Variants in EDA observed in about 807,000 individuals in gnomAD.
EDA encodes the protein ectodysplasin-A.
A neutral mutation model predicts 23.6 loss-of-function variants in EDA; 2 were observed. The ratio of observed to expected loss-of-function variants is 0.08; its 90% confidence interval spans 0.03 to 0.27. EDA has a LOEUF of 0.27. EDA is among the 10% of genes least tolerant of loss of function. EDA has a pLI of 1.00. For missense variants in EDA, 229 were observed against 324.2 expected, an observed-to-expected ratio of 0.71 and a Z score of 2.26; for synonymous variants, 131 against 132.0, an observed-to-expected ratio of 0.99 and a Z score of 0.05.
At chrX:69,673,348 A>G (rs1933968624) in intron 1 of EDA, among the ~76,000 whole-genome samples, 1 of 111,641 alleles carries the variant, frequency 9.0e-6, no homozygotes, top group Non-Finnish European at 1.9e-5. Context: ...TTTGTGATCG[A>G]GAATTTCATG....
chrX:69,756,697 CA>C, intron 1 of EDA, among the ~76,000 whole-genome samples: 1 of 112,309 alleles, frequency 8.9e-6, no homozygotes, highest in African/African-American at 3.2e-5. Context: ...AATCCCATTA[CA>C]AAGACACAGA....
chrX:69,777,956 G>A (rs1203754140), intron 1 of EDA, among the ~76,000 whole-genome samples: 1 of 111,443 alleles, frequency 9.0e-6, no homozygotes, highest in Non-Finnish European at 1.9e-5. Context: ...CTAGTAGACA[G>A]GGATTCTTGT....
intron 1 of EDA, among the ~76,000 whole-genome samples, chrX:69,835,101 T>A: frequency 8.9e-6 from 1 of 112,699 alleles, no homozygotes. Context: ...TCTGATGGAC[T>A]TCCTTTGTGG....
intron 1 of EDA, among the ~76,000 whole-genome samples, chrX:69,836,815 C>T (rs1194646681): frequency 9.0e-6 from 1 of 111,681 alleles, no homozygotes; most frequent in Non-Finnish European, 1.9e-5. Context: ...TCTTCTGCTT[C>T]GCTCACTCTG....
chrX:70,032,519 C>T (rs1569406236), intron 6 of EDA, among the ~76,000 whole-genome samples: 2 of 111,388 alleles, frequency 1.8e-5, no homozygotes, highest in African/African-American at 3.3e-5. Context: ...GAAAAGGCTC[C>T]CTGGGCTTGG....
At chrX:70,011,332 C>A (rs1332948352) in intron 2 of EDA, among the ~76,000 whole-genome samples, 1 of 96,711 alleles carries the variant, frequency 1.0e-5, no homozygotes, top group African/African-American at 3.7e-5. Context: ...TGCATTTTCG[C>A]TTTTTTTTTT....
intron 1 of EDA, among the ~76,000 whole-genome samples, chrX:69,794,002 C>T (rs368365273): frequency 9.9e-5 from 11 of 111,580 alleles, no homozygotes; most frequent in African/African-American, 2.9e-4. Context: ...ACTATTTGAG[C>T]TTGTGCTTCC....
intron 2 of EDA, among the ~76,000 whole-genome samples, chrX:69,999,582 C>A (rs1359378183): frequency 9.8e-6 from 1 of 102,517 alleles, no homozygotes; most frequent in Admixed American, 1.1e-4. Flanking sequence ...CGCCATTGCA[C>A]TCCAGCCTGG....
intron 1 of EDA, among the ~76,000 whole-genome samples, chrX:69,638,736 C>G (rs1213607088): frequency 9.0e-6 from 1 of 111,439 alleles, no homozygotes; most frequent in African/African-American, 3.3e-5. Context: ...AGTCACAGAC[C>G]TGCTTTATTG....
At chrX:69,745,199 A>G (rs760422294) in intron 1 of EDA, among the ~76,000 whole-genome samples, 274 of 111,709 alleles carry the variant, frequency 2.5e-3, no homozygotes, top group African/African-American at 7.7e-3. Context: ...TTGGAATTCT[A>G]TCATTCATGA....
intron 1 of EDA, among the ~76,000 whole-genome samples, chrX:69,942,272 C>A (rs1414529466): frequency 9.0e-6 from 1 of 111,226 alleles, no homozygotes; most frequent in African/African-American, 3.3e-5. Flanking sequence ...TGTATACTTA[C>A]TATTACCAGT....
intron 1 of EDA, among the ~76,000 whole-genome samples, chrX:69,755,478 G>C (rs1314656164): frequency 8.9e-6 from 1 of 112,001 alleles, no homozygotes; most frequent in East Asian, 2.8e-4. Flanking sequence ...GCCCCTACTG[G>C]GAGGTGTCTC....
chrX:69,973,661 C>T (rs922067833), intron 2 of EDA, among the ~76,000 whole-genome samples: 4 of 111,392 alleles, frequency 3.6e-5, no homozygotes, highest in African/African-American at 6.5e-5. Flanking sequence ...TCCATATATA[C>T]GACAGGAGAC....
At position 69,843,000 on chromosome X, in the gene EDA, T is replaced by G. The variant is rs1017491853; in HGVS notation, c.397-114027T>G. On this transcript the variant is annotated intron_variant, in intron 1 of 7. Coordinates refer to ENST00000374552, the MANE Select transcript of EDA (RefSeq NM_001399.5). Reference sequence around the variant, plus strand: ...AACGAAACCTCTTTTCTTTATAAATTACCCAGTCTCAGGTATTTCTTTATA... The same window carrying G: ...AACGAAACCTCTTTTCTTTATAAATGACCCAGTCTCAGGTATTTCTTTATA... Among the ~76,000 whole-genome samples the G allele has an allele frequency of 4.5e-5, 5 of 111,891 alleles. No individual in the cohort carries two copies. The Admixed American group carries it at 4.8e-4, about 11-fold the overall frequency.
At chrX:69,835,888 T>C (rs1356605507) in intron 1 of EDA, among the ~76,000 whole-genome samples, 2 of 111,774 alleles carry the variant, frequency 1.8e-5, no homozygotes, top group Non-Finnish European at 3.8e-5. Flanking sequence ...GACCTACAGA[T>C]GGGGTTTTGG....
At chrX:69,676,501 T>C (rs759930859) in intron 1 of EDA, among the ~76,000 whole-genome samples, 80 of 109,105 alleles carry the variant, frequency 7.3e-4, no homozygotes, top group African/African-American at 2.0e-3. Flanking sequence ...TGTGTGTGTG[T>C]GCGCGCGCGC....
rs1255547217 is a variant in EDA, at chrX:70,029,477, C to T, written c.707-27C>T. 2.5e-6 allele frequency: 3 copies of T among 1,209,363 alleles called. No individual in the cohort carries two copies. In the Admixed American group the frequency reaches 6.5e-5, roughly 26 times the overall value. ...GAAAAGGAAGTCAAAAGATTATGCC[C>T]TCTGATTGTCCTATCCTATTTTGCA... On this transcript the variant is annotated intron_variant, in intron 4 of 7. Coordinates refer to ENST00000374552, the MANE Select transcript of EDA (RefSeq NM_001399.5).
chrX:69,842,138 A>G (rs746325466), intron 1 of EDA, among the ~76,000 whole-genome samples: 19 of 111,815 alleles, frequency 1.7e-4, no homozygotes, highest in Admixed American at 5.7e-4. Context: ...CATCACTTGC[A>G]TTATCACCTA....
At chrX:69,765,822 TCAC>T (rs1471070156) in intron 1 of EDA, among the ~76,000 whole-genome samples, 4 of 111,321 alleles carry the variant, frequency 3.6e-5, no homozygotes, top group Non-Finnish European at 5.7e-5. Context: ...AACAATTCCA[TCAC>T]CACGAAGATC....
Sources: allele counts gnomAD v4.1 joint callset (sites outside exome capture counted in the v4.1 genomes callset), GRCh38; gene constraint gnomAD v4.1.1; transcripts MANE v1.5; gene names NCBI Gene and HGNC (gene_info 2026-07-23, HGNC 2026-07-21).